NT5DC3: variants seen among roughly 807,000 people sequenced by gnomAD.
NT5DC3 encodes 5'-nucleotidase domain-containing protein 3.
A neutral mutation model predicts 67.8 loss-of-function variants in NT5DC3; 42 were observed. The ratio of observed to expected loss-of-function variants is 0.62; its 90% CI spans 0.48 to 0.80. NT5DC3 has a LOEUF of 0.80. Among genes scored for constraint, NT5DC3 ranks in the 30% least tolerant of loss-of-function variants. The probability of loss-of-function intolerance (pLI) is 0.00; values close to 1 mark genes in which losing one functional copy is unlikely to be tolerated. For synonymous variants in NT5DC3, 237 were observed against 255.6 expected (o/e 0.93, Z 0.69); for missense variants, 570 against 696.4 (o/e 0.82, Z 2.04).
the NT5DC3 span, among the ~76,000 whole-genome samples, chr12:103,749,738 G>C: frequency 2.0e-5 from 3 of 150,894 alleles, no homozygotes; most frequent in Non-Finnish European, 4.4e-5. Context: ...TACTCGGGAG[G>C]CTGAGGCAGG....
intron 12 of NT5DC3, among the ~76,000 whole-genome samples, chr12:103,780,987 T>G (rs1309029128): frequency 6.6e-6 from 1 of 152,192 alleles, no homozygotes; most frequent in Non-Finnish European, 1.5e-5. Context: ...AACAATTATT[T>G]TTTTGCAAAA....
At chr12:103,793,544 T>C in intron 7 of NT5DC3, 32 bp from the exon 8 acceptor site, 6 of 1,476,078 alleles carry the variant, frequency 4.1e-6, no homozygotes, top group Non-Finnish European at 5.7e-6. Flanking sequence ...ACACACAGAT[T>C]CAGCATGATA....
chr12:103,813,497 C>G (rs1593421160), intron 2 of NT5DC3, among the ~76,000 whole-genome samples: 1 of 152,188 alleles, frequency 6.6e-6, no homozygotes, highest in South Asian at 2.1e-4. Context: ...ACAAAATGAG[C>G]TGCTTAAATC....
chr12:103,838,135 A>G (rs974549838), intron 1 of NT5DC3, among the ~76,000 whole-genome samples: 1 of 152,234 alleles, frequency 6.6e-6, no homozygotes, highest in African/African-American at 2.4e-5. Context: ...TAAACTCATC[A>G]GATCTCAAGA....
the NT5DC3 span, chr12:103,763,687 A>ATCTT: frequency 1.6e-6 from 2 of 1,272,080 alleles, no homozygotes; most frequent in East Asian, 2.4e-5. Flanking sequence ...TTCAGTGGAG[A>ATCTT]TCTTTGTACC....
downstream of NT5DC3, chr12:103,765,995 AC>A: frequency 1.8e-6 from 1 of 544,796 alleles, no homozygotes; most frequent in South Asian, 1.6e-5. Flanking sequence ...TAATCCTCCT[AC>A]CTCCCTGTGA....
intron 1 of NT5DC3, among the ~76,000 whole-genome samples, chr12:103,815,762 C>T (rs1336609606): frequency 6.6e-6 from 1 of 152,106 alleles, no homozygotes; most frequent in Non-Finnish European, 1.5e-5. Flanking sequence ...GTACTAAAAA[C>T]CACTGGGAGA....
chr12:103,758,279 G>C, the NT5DC3 span: 2 of 1,613,584 alleles, frequency 1.2e-6, no homozygotes, highest in East Asian at 4.5e-5. Context: ...AGTGGGCTGG[G>C]GGAGAATGAG....
At chr12:103,784,753 T>C (rs943275977) in intron 12 of NT5DC3, among the ~76,000 whole-genome samples, 1 of 152,158 alleles carries the variant, frequency 6.6e-6, no homozygotes, top group Non-Finnish European at 1.5e-5. Context: ...AAACGACTGA[T>C]AAAACTGCCA....
chr12:103,812,649 T>C (rs1479612764), intron 2 of NT5DC3, among the ~76,000 whole-genome samples: 1 of 152,094 alleles, frequency 6.6e-6, no homozygotes, highest in Non-Finnish European at 1.5e-5. Context: ...AGATGCAACA[T>C]GGAGTCGAGG....
At position 103,776,399 on chromosome 12, in the gene NT5DC3, T is replaced by A. The variant is rs1203887816; in HGVS notation, c.*1430A>T. The A allele has an allele frequency of 6.6e-6, 1 of 152,006 alleles. No homozygotes were observed. The highest frequency in any genetic ancestry group is 1.9e-4 in the East Asian group (1 of 5,180). 9.4% of individuals were successfully genotyped at this position (152,006 alleles called of 1,614,324 possible). A position where few individuals can be genotyped will look rare whatever the true frequency, so the allele number is the denominator to read the frequency against. ...GGAGAAACCCCATCTCTACTAGAAA[T>A]ACAAAATTAGCTGGGTGTGGTAGTG... is the stretch of plus-strand genomic sequence containing the variant. On this transcript the variant is annotated 3_prime_UTR_variant, in exon 14 of 14. Coordinates refer to ENST00000392876, the MANE Select transcript of NT5DC3 (RefSeq NM_001031701.3).
chr12:103,798,725 A>G (rs1566110416), intron 4 of NT5DC3, 48 bp from the exon 5 acceptor site: 6 of 1,354,642 alleles, frequency 4.4e-6, no homozygotes, highest in South Asian at 2.3e-5. Context: ...AGAGAAACCA[A>G]TGATTTTCAC....
chr12:103,803,867 C>G (rs757006340), intron 4 of NT5DC3, among the ~76,000 whole-genome samples: 8 of 127,918 alleles, frequency 6.3e-5, no homozygotes, highest in East Asian at 1.4e-3. Context: ...CCACCCCCCC[C>G]CCAAAAAAAT....
the NT5DC3 span, chr12:103,749,133 G>A: frequency 3.7e-5 from 60 of 1,605,740 alleles, no homozygotes; most frequent in East Asian, 1.1e-4. Flanking sequence ...TCACGAGCAC[G>A]CCACCTGTAA....
downstream of NT5DC3, among the ~76,000 whole-genome samples, chr12:103,767,510 G>A (rs1885035433): frequency 6.6e-6 from 1 of 152,134 alleles, no homozygotes; most frequent in African/African-American, 2.4e-5. Flanking sequence ...TAAGAAACAC[G>A]AAATTGTACA....
rs1014234928 is a variant in NT5DC3, at chr12:103,777,662, T to C, written c.*167A>G. 32 of 767,986 alleles carry C rather than the reference T, an allele frequency of 4.2e-5. No homozygotes were observed. The highest frequency in any genetic ancestry group is 5.9e-5 in the Non-Finnish European group (29 of 491,810). The allele number at this position is 767,986 out of a possible 1,614,324, so 47.6% of individuals were successfully genotyped here. A position where few individuals can be genotyped will look rare whatever the true frequency, so the allele number is the denominator to read the frequency against. On this transcript the variant is annotated 3_prime_UTR_variant, in exon 14 of 14. Coordinates refer to ENST00000392876, the MANE Select transcript of NT5DC3 (RefSeq NM_001031701.3). The stretch of plus-strand genomic sequence containing the variant: ...GGGAAAGGCTGGAGGGGTGGGCTGC[T>C]AGCTCCTGTCTTAACCATTGGGAGA...
chr12:103,765,478 G>A (rs533070171), downstream of NT5DC3, among the ~76,000 whole-genome samples: 2 of 152,318 alleles, frequency 1.3e-5, no homozygotes, highest in Admixed American at 1.3e-4. Flanking sequence ...CCCATGAAAA[G>A]CCATTTCTAG....
intron 1 of NT5DC3, among the ~76,000 whole-genome samples, chr12:103,819,008 T>C (rs1208526209): frequency 6.6e-6 from 1 of 152,198 alleles, no homozygotes; most frequent in African/African-American, 2.4e-5. Context: ...AAGTTTATAT[T>C]TAGAAATGGT....
At chr12:103,835,387 T>C (rs1888104646) in intron 1 of NT5DC3, among the ~76,000 whole-genome samples, 1 of 152,078 alleles carries the variant, frequency 6.6e-6, no homozygotes, top group African/African-American at 2.4e-5. Context: ...GAAGATAGGG[T>C]CCACCGAATC....
Sources: allele counts gnomAD v4.1 joint callset (sites outside exome capture counted in the v4.1 genomes callset), GRCh38; gene constraint gnomAD v4.1.1; transcripts MANE v1.5; gene names NCBI Gene and HGNC (gene_info 2026-07-23, HGNC 2026-07-21).